PCSK6: variants seen among roughly 807,000 people sequenced by gnomAD.
The protein encoded by PCSK6 is proprotein convertase subtilisin/kexin type 6, also known as paired basic amino acid cleaving enzyme 4.
In PCSK6, 85 loss-of-function variants were observed where a neutral mutation model predicts 123.3. That is an observed-to-expected ratio of 0.69 (90% confidence interval 0.58 to 0.83). PCSK6 has a LOEUF of 0.83. Among genes scored for constraint, PCSK6 ranks in the 40% least tolerant of loss-of-function variants. The pLI is 0.00. For synonymous variants in PCSK6, 508 were observed against 516.0 expected (o/e 0.98, Z 0.21); for missense variants, 1,191 against 1,282.3 (o/e 0.93, Z 1.09).
intron 2 of PCSK6, among the ~76,000 whole-genome samples, chr15:101,441,551 C>T (rs2056754150): frequency 6.6e-6 from 1 of 152,148 alleles, no homozygotes; most frequent in Admixed American, 6.5e-5. Context: ...GACCTGAGTA[C>T]CTTTAAAAGT....
intron 11 of PCSK6, among the ~76,000 whole-genome samples, chr15:101,372,313 T>C (rs1173917211): frequency 1.3e-5 from 2 of 152,200 alleles, no homozygotes; most frequent in African/African-American, 4.8e-5. Context: ...GCATGAGGCG[T>C]TCTGCTCAGA....
chr15:101,306,140 G>T (rs1407028892), intron 21 of PCSK6, among the ~76,000 whole-genome samples: 2 of 151,942 alleles, frequency 1.3e-5, no homozygotes, highest in Admixed American at 6.6e-5. Context: ...GAGTGGGGAT[G>T]GGGGGAAGGG....
rs373933503 is a variant in PCSK6, at chr15:101,305,405, T to G, written c.2813-50A>C. 6 of 1,496,786 alleles carry G rather than the reference T, an allele frequency of 4.0e-6. No homozygotes were observed. The highest frequency in any genetic ancestry group is 4.6e-6 in the Non-Finnish European group (5 of 1,089,950). 92.7% of individuals were successfully genotyped at this position (1,496,786 alleles called of 1,614,324 possible). On this transcript the variant is annotated intron_variant, in intron 21 of 21. Transcript: ENST00000611716. The surrounding 1 kb of genome is among the most constrained non-coding windows in gnomAD (Gnocchi z 4.8). ...AAAAGAGGGAAAGGTCAGTCTTCGGTGCCTGTGAAGATTGTTTCAAGGCCG... is the reference window on the plus strand; with the variant it reads ...AAAAGAGGGAAAGGTCAGTCTTCGGGGCCTGTGAAGATTGTTTCAAGGCCG...
intron 9 of PCSK6, 59 bp downstream of exon 9, chr15:101,389,404 GT>G: frequency 7.5e-7 from 1 of 1,340,168 alleles, no homozygotes; most frequent in Non-Finnish European, 1.1e-6. Flanking sequence ...CCAATGTCAT[GT>G]GTATTTTACC....
chr15:101,453,196 G>C (rs1399263904), intron 1 of PCSK6, among the ~76,000 whole-genome samples: 2 of 152,132 alleles, frequency 1.3e-5, no homozygotes, highest in African/African-American at 4.8e-5. Flanking sequence ...TGGGATCCAG[G>C]AATTATTTTG....
intron 21 of PCSK6, among the ~76,000 whole-genome samples, chr15:101,306,455 G>A (rs1156671538): frequency 6.6e-6 from 1 of 152,076 alleles, no homozygotes; most frequent in African/African-American, 2.4e-5. Flanking sequence ...CATACCCAAG[G>A]ACCACCTGCC....
intron 11 of PCSK6, among the ~76,000 whole-genome samples, chr15:101,378,770 A>G (rs1232909116): frequency 6.6e-6 from 1 of 152,290 alleles, no homozygotes; most frequent in East Asian, 1.9e-4. Flanking sequence ...CAAACCCCCC[A>G]GTCCCCAGAT....
chr15:101,305,423 C>T lies in PCSK6; in HGVS notation c.2813-68G>A, dbSNP rs1282526450. ...TCTTCGGTGCCTGTGAAGATTGTTT[C>T]AAGGCCGGGCGCGGTGCCTCATGCC... On this transcript the variant is annotated intron_variant, in intron 21 of 21. Coordinates refer to ENST00000611716, the MANE Select transcript of PCSK6 (RefSeq NM_002570.5). This position sits in a 1 kb window ranked among gnomAD's most constrained non-coding sequence, Gnocchi z 4.8. The T allele has an allele frequency of 3.7e-6, 5 of 1,357,992 alleles. No homozygotes were observed. The African/African-American group carries it at 7.1e-5, about 19-fold the overall frequency. The allele number at this position is 1,357,992 out of a possible 1,614,324, so 84.1% of individuals were successfully genotyped here.
Position 101,330,410 on chromosome 15 carries a change from G to A in PCSK6, c.2077+1241C>T, listed in dbSNP as rs111280924. 2.6e-3 allele frequency among the ~76,000 whole-genome samples: 390 copies of A among 152,306 alleles called. 1 individual carries two copies. The highest frequency in any genetic ancestry group is 9.0e-3 in the African/African-American group (372 of 41,556). ...CTCCTGATGCACCATGACCATGGCC[G>A]GCTCCGCACACCCCGTCTCATATCC... On this transcript the variant is annotated intron_variant, in intron 15 of 21. Coordinates refer to ENST00000611716, the MANE Select transcript of PCSK6 (RefSeq NM_002570.5).
chr15:101,475,652 A>ATTTT (rs35792381), intron 1 of PCSK6, among the ~76,000 whole-genome samples: 9 of 122,678 alleles, frequency 7.3e-5, no homozygotes, highest in Non-Finnish European at 1.3e-4. Flanking sequence ...CACTTGGCTA[A>ATTTT]TTTTTTTTTT....
intron 17 of PCSK6, 107 bp from the exon 18 acceptor site, chr15:101,322,714 T>G: frequency 1.4e-6 from 1 of 704,628 alleles, no homozygotes; most frequent in Non-Finnish European, 2.5e-6. Flanking sequence ...GGGTGGGCTG[T>G]TCCCCGAGTC....
rs756490317 is a variant in PCSK6, at chr15:101,366,329, C to A, written c.1725G>T (p.Leu575Phe). ...GTKSQLLAKR[L>F]LDLSNEGFTN... is the part of the protein sequence containing the mutation. Reference sequence around the variant, plus strand: ...TAAACCCTTCATTGGAAAGATCCAGCAACCTGCAATTGGAGGTGTGGTGTC... The same window carrying A: ...TAAACCCTTCATTGGAAAGATCCAGAAACCTGCAATTGGAGGTGTGGTGTC... Residue 575 changes from leucine (L) to phenylalanine (F), a missense_variant, in exon 13 of 22, where the codon TTG becomes TTT. Around this residue, in one of 3 missense-constraint regions of PCSK6, gnomAD observed 630 missense variants for 631.4 expected, o/e 1.00. Transcript: ENST00000611716. 3.7e-6 allele frequency: 6 copies of A among 1,611,368 alleles called. No individual in the cohort carries two copies. In the South Asian group the frequency reaches 5.5e-5, roughly 15 times the overall value.
At chr15:101,356,031 G>C (rs1455571244) in intron 13 of PCSK6, among the ~76,000 whole-genome samples, 1 of 152,240 alleles carries the variant, frequency 6.6e-6, no homozygotes, top group African/African-American at 2.4e-5. Flanking sequence ...CCCCAGGCCT[G>C]TCTGATGTCT....
At chr15:101,326,306 C>A in intron 16 of PCSK6, 71 bp downstream of exon 16, 2 of 1,192,584 alleles carry the variant, frequency 1.7e-6, no homozygotes, top group East Asian at 2.6e-5. Flanking sequence ...GGCATCAGGA[C>A]ATGGAGGGGC....
intron 13 of PCSK6, among the ~76,000 whole-genome samples, chr15:101,337,741 GCA>G: frequency 6.6e-6 from 1 of 152,324 alleles, no homozygotes; most frequent in Non-Finnish European, 1.5e-5. Flanking sequence ...CTTGTTTGGT[GCA>G]TTAGCTTCAG....
At chr15:101,444,568 T>A (rs2056838631) in intron 1 of PCSK6, among the ~76,000 whole-genome samples, 1 of 152,246 alleles carries the variant, frequency 6.6e-6, no homozygotes, top group South Asian at 2.1e-4. Context: ...ACAGCAGTTC[T>A]ATATGATGAT....
chr15:101,347,792 A>G lies in PCSK6; in HGVS notation c.1859-15761T>C, dbSNP rs1475864439. ...GTCCAGGTTCCCTGGAAAACAAGGG[A>G]CTGAAGTGAAGCCCATGGGCTGAAG... On this transcript the variant is annotated intron_variant, in intron 13 of 21. Transcript: ENST00000611716. 4.4e-6 allele frequency: 7 copies of G among 1,604,774 alleles called. No individual in the cohort carries two copies. The African/African-American group carries it at 8.0e-5, about 18-fold the overall frequency.
At chr15:101,477,976 ACTT>A (rs1216662640) in intron 1 of PCSK6, among the ~76,000 whole-genome samples, 1 of 152,168 alleles carries the variant, frequency 6.6e-6, no homozygotes, top group East Asian at 1.9e-4. Flanking sequence ...GTACAGGAGG[ACTT>A]CTTCACAGGT....
chr15:101,457,746 C>T, intron 1 of PCSK6, among the ~76,000 whole-genome samples: 1 of 152,212 alleles, frequency 6.6e-6, no homozygotes, highest in East Asian at 1.9e-4. Flanking sequence ...ACAGCCCACA[C>T]ACAGGCAGCC....
Sources: allele counts gnomAD v4.1 joint callset (sites outside exome capture counted in the v4.1 genomes callset), GRCh38; gene constraint gnomAD v4.1.1; regional missense constraint gnomAD v4.1.1; non-coding constraint Gnocchi (gnomAD v3.1); transcripts MANE v1.5; gene names NCBI Gene and HGNC (gene_info 2026-07-23, HGNC 2026-07-21).